The following FABP3 variants were observed in gnomAD, a reference collection of about 807,000 sequenced individuals.
The protein encoded by FABP3 is fatty acid binding protein 3.
Under a neutral mutation model 13.4 loss-of-function variants are expected in FABP3, and 8 were observed. That is an observed-to-expected ratio of 0.60 (90% confidence interval 0.35 to 1.07). The LOEUF (loss-of-function observed/expected upper bound fraction) is 1.07. Among genes scored for constraint, FABP3 ranks in the 50% least tolerant of loss-of-function variants. The pLI, the probability that FABP3 is intolerant of heterozygous loss-of-function variation, is 0.02. For synonymous variants in FABP3, 64 were observed against 60.0 expected, an observed-to-expected ratio of 1.07 and a Z score of -0.31; for missense variants, 135 against 164.7, an observed-to-expected ratio of 0.82 and a Z score of 0.99.
chr1:31,370,996 C>T (rs944114976), intron 1 of FABP3, among the ~76,000 whole-genome samples: 3 of 152,208 alleles, frequency 2.0e-5, no homozygotes, highest in Non-Finnish European at 2.9e-5. Context: ...AGTGTCTTGT[C>T]GAAATTCAAA....
downstream of FABP3, among the ~76,000 whole-genome samples, chr1:31,363,737 G>A (rs111980950): frequency 2.2e-4 from 33 of 152,296 alleles, no homozygotes; most frequent in Admixed American, 5.9e-4. Context: ...AGCTGTGATC[G>A]TGCCACTGCA....
chr1:31,360,227 T>A, the FABP3 span, among the ~76,000 whole-genome samples: 2 of 150,634 alleles, frequency 1.3e-5, no homozygotes, highest in African/African-American at 4.9e-5. Context: ...TGGAGTGCAG[T>A]GGCGCGATCT....
chr1:31,371,072 A>G (rs1193218196), intron 1 of FABP3, among the ~76,000 whole-genome samples: 1 of 152,222 alleles, frequency 6.6e-6, no homozygotes, highest in Non-Finnish European at 1.5e-5. Context: ...TCACTGGGCG[A>G]TTCTGTCCAG....
chr1:31,372,942 C>T lies in FABP3; in HGVS notation c.73G>A (p.Gly25Ser). The T allele has an allele frequency of 6.2e-7, 1 of 1,613,138 alleles. No individual in the cohort carries two copies. ...KNFDDYMKSL[G>S]VGFATRQVAS... ...ATCCTGAGCCCCGCGGCTTGCTCAC[C>T]GAGTGACTTCATGTAGTCATCGAAA... Residue 25 changes from glycine to serine, a missense_variant and splice_region_variant, in exon 1 of 4, where the codon GGT (glycine) becomes AGT (serine). Transcript: ENST00000373713.
At chr1:31,366,062 A>ATGTGTGTGTG (rs3049341) in intron 3 of FABP3, 123 bp from the exon 4 acceptor site, 46 of 575,940 alleles carry the variant, frequency 8.0e-5, no homozygotes, top group African/African-American at 4.5e-4. Flanking sequence ...ATATGTATGT[A>ATGTGTGTGTG]TGTGTGTGTG....
At chr1:31,366,063 TGTGTGTGTG>T in intron 3 of FABP3, 124 bp from the exon 4 acceptor site, 1 of 19,636 alleles carries the variant, frequency 5.1e-5, no homozygotes, top group Non-Finnish European at 1.5e-4. Flanking sequence ...TATGTATGTA[TGTGTGTGTG>T]TGTGTGTGTG....
intron 2 of FABP3, among the ~76,000 whole-genome samples, chr1:31,368,510 C>T (rs1337824875): frequency 1.3e-5 from 2 of 152,208 alleles, no homozygotes; most frequent in East Asian, 1.9e-4. Context: ...TGGGCACCAT[C>T]CCCAGCTCTG....
chr1:31,370,724 A>G (rs1352182423), intron 1 of FABP3, among the ~76,000 whole-genome samples: 1 of 152,184 alleles, frequency 6.6e-6, no homozygotes, highest in Admixed American at 6.5e-5. Context: ...GTGTCCTGCA[A>G]CCAAGTAAAG....
downstream of FABP3, among the ~76,000 whole-genome samples, chr1:31,360,722 G>A (rs1386023455): frequency 6.6e-6 from 1 of 152,184 alleles, no homozygotes; most frequent in African/African-American, 2.4e-5. Context: ...TCATCTTTGA[G>A]AGAGAACAAA....
chr1:31,369,460 G>C lies in FABP3; in HGVS notation c.171C>G (p.Thr57=). The change falls in exon 2 of 4, where the codon ACC becomes ACG. Residue 57 remains threonine, a synonymous_variant. Transcript: ENST00000373713. The part of the protein sequence containing the change: ...GDILTLKTHS[T]FKNTEISFKL... ...TAAAGCTGATCTCTGTGTTCTTGAA[G>C]GTGCTGTGTGTTTTTAGGGTGAGAA... is the stretch of plus-strand genomic sequence containing the variant. 1 of 1,614,156 alleles carries C rather than the reference G, an allele frequency of 6.2e-7. No individual in the cohort carries two copies. The highest frequency in any genetic ancestry group is 8.5e-7 in the Non-Finnish European group (1 of 1,180,034).
chr1:31,372,695 T>C (rs543451454), intron 1 of FABP3, among the ~76,000 whole-genome samples: 63 of 152,196 alleles, frequency 4.1e-4, no homozygotes, highest in African/African-American at 1.4e-3. Flanking sequence ...CACATATCCC[T>C]CTTCCTGGAA....
intron 1 of FABP3, 68 bp downstream of exon 1, chr1:31,372,874 C>G: frequency 6.9e-7 from 1 of 1,441,514 alleles, no homozygotes; most frequent in Admixed American, 1.7e-5. Flanking sequence ...GGCAGGAGTG[C>G]TGCGTGGGGC....
At chr1:31,367,653 C>T (rs1640137555) in intron 2 of FABP3, among the ~76,000 whole-genome samples, 159 bp from the exon 3 acceptor site, 1 of 152,224 alleles carries the variant, frequency 6.6e-6, no homozygotes. Context: ...GCTATCCCTG[C>T]AAGACATCTA....
At chr1:31,369,631 C>A in intron 1 of FABP3, 74 bp from the exon 2 acceptor site, 1 of 1,424,488 alleles carries the variant, frequency 7.0e-7, no homozygotes. Context: ...CAATGAATAA[C>A]TCTCAGGCCT....
chr1:31,367,343 G>T, intron 3 of FABP3, 50 bp downstream of exon 3: 1 of 1,444,958 alleles, frequency 6.9e-7, no homozygotes, highest in South Asian at 1.1e-5. Flanking sequence ...TTGGCTGAAA[G>T]AGCAGTAGTA....
rs533267768 is a variant in FABP3, at chr1:31,372,836, A to G, written c.73+106T>C. 13 of 1,133,626 alleles carry G rather than the reference A, an allele frequency of 1.1e-5. No individual in the cohort carries two copies. In the South Asian group the frequency reaches 1.4e-4, roughly 12 times the overall value. 70.2% of individuals were successfully genotyped at this position (1,133,626 alleles called of 1,614,324 possible). The stretch of plus-strand genomic sequence containing the variant: ...CAGGCTGCCATCTCCGCGCTCCCCT[A>G]TTCCCCAGTCTTAACCAGGAGGGAT... On this transcript the variant is annotated intron_variant, in intron 1 of 3. Transcript: ENST00000373713.
rs768731381 is a variant in FABP3 at position 31,365,990 on chromosome 1, C to G, written c.349-51G>C. The G allele has an allele frequency of 2.6e-6, 4 of 1,528,138 alleles. No homozygotes were observed. In the East Asian group the frequency reaches 9.1e-5, roughly 35 times the overall value. 94.7% of individuals were successfully genotyped at this position (1,528,138 alleles called of 1,614,324 possible). ...GGGGGTGGAGCCAGGAACACCATTG[C>G]GAGCATTCTACCCTCCCTTCCTCCT... On this transcript the variant is annotated intron_variant, in intron 3 of 3. Coordinates refer to ENST00000373713, the MANE Select transcript of FABP3 (RefSeq NM_004102.5).
chr1:31,362,594 T>G (rs1480063443), downstream of FABP3, among the ~76,000 whole-genome samples: 1 of 152,206 alleles, frequency 6.6e-6, no homozygotes, highest in Non-Finnish European at 1.5e-5. Context: ...AGTATAATCT[T>G]GTGAGGTGGC....
chr1:31,362,695 G>T (rs1339823510), downstream of FABP3, among the ~76,000 whole-genome samples: 2 of 152,188 alleles, frequency 1.3e-5, no homozygotes, highest in African/African-American at 2.4e-5. Flanking sequence ...GGATCTAATA[G>T]AAACCAGAAT....
Sources: allele counts gnomAD v4.1 joint callset (sites outside exome capture counted in the v4.1 genomes callset), GRCh38; gene constraint gnomAD v4.1.1; transcripts MANE v1.5; gene names NCBI Gene and HGNC (gene_info 2026-07-23, HGNC 2026-07-21).